The following CYP4Z1 variants were observed in gnomAD, a reference collection of about 807,000 sequenced individuals.
CYP4Z1 encodes cytochrome P450 4Z1.
A neutral mutation model predicts 54.2 loss-of-function variants in CYP4Z1; 41 were observed. The ratio of observed to expected loss-of-function variants is 0.76; its 90% CI spans 0.59 to 0.98. CYP4Z1 has a LOEUF of 0.98. Ranked by LOEUF, CYP4Z1 falls within the 50% of genes least tolerant of loss-of-function variation. The pLI, the probability that CYP4Z1 is intolerant of heterozygous loss-of-function variation, is 0.00. For synonymous variants in CYP4Z1, 163 were observed against 206.2 expected (o/e 0.79, Z 1.79); for missense variants, 513 against 599.0 (o/e 0.86, Z 1.50).
chr1:47,077,844 G>C (rs9726543), intron 2 of CYP4Z1, among the ~76,000 whole-genome samples: 63,369 of 151,598 alleles, frequency 0.42, 14,605 homozygotes, highest in East Asian at 0.97. Flanking sequence ...GTCTCAAACT[G>C]CTGGCTTCAA....
In CYP4Z1 at chr1:47,113,983, G is replaced by A. The variant is rs1419790562; in HGVS notation, c.1202-1546G>A. On this transcript the variant is annotated intron_variant, in intron 9 of 11. Coordinates refer to ENST00000334194, the MANE Select transcript of CYP4Z1 (RefSeq NM_178134.3). ...ATGGCACCAAAAAAGAGTCCGCATC[G>A]CCAAGTCAATCCTAAGCCAAAAGAA... is the stretch of plus-strand genomic sequence containing the variant. Among the ~76,000 whole-genome samples, 40 of 152,238 alleles carry A rather than the reference G, an allele frequency of 2.6e-4. 3 individuals are homozygous for A. The highest frequency in any genetic ancestry group is 1.6e-3 in the Admixed American group (25 of 15,290).
chr1:47,059,597 T>C, the CYP4Z1 span, among the ~76,000 whole-genome samples: 6 of 152,160 alleles, frequency 3.9e-5, no homozygotes, highest in Non-Finnish European at 7.4e-5. Flanking sequence ...TACGTAAATA[T>C]CATGTCTGGT....
chr1:47,061,204 C>G, the CYP4Z1 span, among the ~76,000 whole-genome samples: 1 of 152,078 alleles, frequency 6.6e-6, no homozygotes, highest in Non-Finnish European at 1.5e-5. Flanking sequence ...AAAATCAGAG[C>G]TGAGCTGAAA....
chr1:47,085,817 A>G (rs1569718770), intron 6 of CYP4Z1, among the ~76,000 whole-genome samples: 3 of 149,604 alleles, frequency 2.0e-5, no homozygotes, highest in South Asian at 2.2e-4. Flanking sequence ...TACCTTAGGT[A>G]TATCTCCTAA....
At chr1:47,106,397 A>G (rs1644758168) in intron 9 of CYP4Z1, 136 bp downstream of exon 9, 10 of 1,154,476 alleles carry the variant, frequency 8.7e-6, no homozygotes, top group Non-Finnish European at 1.2e-5. Flanking sequence ...CCAGAGAGGG[A>G]GAAAGAGGAT....
At position 47,084,831 on chromosome 1, in the gene CYP4Z1, G is replaced by A; in HGVS notation, c.625G>A (p.Asp209Asn). 6.5e-7 allele frequency: 1 copy of A among 1,529,030 alleles called. No individual in the cohort carries two copies. Among genetic ancestry groups the A allele is most frequent in the Non-Finnish European group, 8.7e-7 (1 of 1,144,728 alleles). The allele number at this position is 1,529,030 out of a possible 1,614,324, so 94.7% of individuals were successfully genotyped here. ...QGSIQLDSTL[D>N]SYLKAVFNLS... is the part of the protein sequence containing the mutation. ...CCATCTTCCCTATTCCAGTACCCTG[G>A]ACTCATACCTGAAAGCAGTGTTCAA... Residue 209 changes from aspartate to asparagine, a missense_variant, in exon 6 of 12, where the codon GAC becomes AAC. By Grantham distance (23) the Asp-to-Asn change is conservative. Coordinates refer to ENST00000334194, the MANE Select transcript of CYP4Z1 (RefSeq NM_178134.3).
chr1:47,101,772 A>G (rs939743592), intron 8 of CYP4Z1, among the ~76,000 whole-genome samples: 5 of 152,088 alleles, frequency 3.3e-5, no homozygotes, highest in Non-Finnish European at 5.9e-5. Context: ...ATTTAGTCCA[A>G]CGTGCAATTT....
chr1:47,100,551 G>A (rs1644713875), intron 8 of CYP4Z1, among the ~76,000 whole-genome samples: 1 of 152,194 alleles, frequency 6.6e-6, no homozygotes, highest in Non-Finnish European at 1.5e-5. Flanking sequence ...CACGGTTGGT[G>A]TTGGTTATCA....
intron 4 of CYP4Z1, among the ~76,000 whole-genome samples, chr1:47,082,765 G>A (rs1193167676): frequency 6.6e-6 from 1 of 151,486 alleles, no homozygotes; most frequent in Non-Finnish European, 1.5e-5. Context: ...ACCCATAGGA[G>A]TAGCCATGCC....
intron 8 of CYP4Z1, among the ~76,000 whole-genome samples, chr1:47,104,331 C>A (rs976684857): frequency 6.6e-6 from 1 of 152,176 alleles, no homozygotes; most frequent in Non-Finnish European, 1.5e-5. Flanking sequence ...CTTCGGGTCC[C>A]AGCAGTGGCT....
At chr1:47,063,330 G>A (rs1644433686), upstream of CYP4Z1, among the ~76,000 whole-genome samples, 1 of 151,854 alleles carries the variant, frequency 6.6e-6, no homozygotes. Context: ...ACAAAACAAG[G>A]TTTTTTCACA....
At chr1:47,061,366 C>A in the CYP4Z1 span, among the ~76,000 whole-genome samples, 2 of 152,156 alleles carry the variant, frequency 1.3e-5, no homozygotes, top group Non-Finnish European at 2.9e-5. Context: ...ACTGACCCCA[C>A]AGAAATAAAA....
intron 1 of CYP4Z1, among the ~76,000 whole-genome samples, chr1:47,068,417 G>C (rs1644466157): frequency 6.6e-6 from 1 of 152,156 alleles, no homozygotes; most frequent in Non-Finnish European, 1.5e-5. Flanking sequence ...CTCAGCAACA[G>C]GTCCTGAGCA....
chr1:47,079,021 T>C (rs1442569358), intron 2 of CYP4Z1, among the ~76,000 whole-genome samples: 1 of 152,164 alleles, frequency 6.6e-6, no homozygotes, highest in African/African-American at 2.4e-5. Context: ...GTGCTAGTTC[T>C]TTTGCCTCTC....
chr1:47,067,632 G>A lies in CYP4Z1; in HGVS notation c.142G>A (p.Ala48Thr). ...GATCAGAGCCCTGCACCTGTTTCCT[G>A]CACCCCCTGCCCACTGGTTCTATGG... Reference protein sequence around the residue: ...WMIRALHLFPAPPAHWFYGHK... With the variant: ...WMIRALHLFPTPPAHWFYGHK... Residue 48 changes from alanine to threonine, a missense_variant, in exon 1 of 12, where the codon GCA (alanine) becomes ACA (threonine). By Grantham distance (58) the Ala-to-Thr change is moderately conservative. Coordinates refer to ENST00000334194, the MANE Select transcript of CYP4Z1 (RefSeq NM_178134.3). The A allele has an allele frequency of 1.2e-6, 2 of 1,611,372 alleles. 1 individual carries two copies. The highest frequency in any genetic ancestry group is 2.2e-5 in the South Asian group (2 of 90,562).
At chr1:47,068,484 C>T (rs2148524178) in intron 1 of CYP4Z1, 138 bp from the exon 2 acceptor site, 2 of 1,112,562 alleles carry the variant, frequency 1.8e-6, no homozygotes, top group East Asian at 2.4e-5. Flanking sequence ...GAGAAGAAAA[C>T]TTGCCTTCAA....
chr1:47,063,490 C>T (rs550188874), upstream of CYP4Z1, among the ~76,000 whole-genome samples: 33 of 152,022 alleles, frequency 2.2e-4, no homozygotes, highest in African/African-American at 6.7e-4. Flanking sequence ...AAATCAAAAA[C>T]ATGATACAGG....
chr1:47,063,361 C>T (rs1433719805), upstream of CYP4Z1, among the ~76,000 whole-genome samples: 1 of 151,950 alleles, frequency 6.6e-6, no homozygotes, highest in Non-Finnish European at 1.5e-5. Flanking sequence ...ATCATATCAG[C>T]TTACCAGCAA....
At position 47,106,116 on chromosome 1, in the gene CYP4Z1, G is replaced by C; in HGVS notation, c.1068-12G>C. The C allele has an allele frequency of 3.1e-6, 5 of 1,608,242 alleles. No individual in the cohort carries two copies. Among genetic ancestry groups the C allele is most frequent in the Non-Finnish European group, 4.2e-6 (5 of 1,178,390 alleles). On this transcript the variant is annotated splice_polypyrimidine_tract_variant and intron_variant, in intron 8 of 11. Transcript: ENST00000334194. ...ACTCCTCCTTTTCCTTTCCTCCTGT[G>C]CTTCTACCCAGGGAACACCTGAGCC...
Sources: gnomAD v4.1 joint callset for allele counts (sites outside exome capture counted in the v4.1 genomes callset) on GRCh38, gnomAD v4.1.1 for gene constraint, MANE v1.5 for transcripts, NCBI Gene and HGNC (gene_info 2026-07-23, HGNC 2026-07-21) for gene names.